The following PTPRD variants were observed in gnomAD, a reference collection of about 807,000 sequenced individuals.
PTPRD encodes the protein receptor-type tyrosine-protein phosphatase delta.
Under a neutral mutation model 214.5 loss-of-function variants are expected in PTPRD, and 34 were observed. The ratio of observed to expected loss-of-function variants is 0.16; its 90% CI spans 0.12 to 0.21. The LOEUF (loss-of-function observed/expected upper bound fraction) is 0.21, where lower values mean the gene tolerates loss of function less well. PTPRD is among the 10% of genes least tolerant of loss of function. The pLI is 1.00. For synonymous variants in PTPRD, 1,128 were observed against 845.7 expected (o/e 1.33, Z -5.79); for missense variants, 2,545 against 2,398.7 (o/e 1.06, Z -1.27).
At chr9:9,358,721 T>TTTTAGTTCTTTTTAGTTCTTTA (rs1251338869) in intron 9 of PTPRD, among the ~76,000 whole-genome samples, 1 of 151,338 alleles carries the variant, frequency 6.6e-6, no homozygotes, top group Non-Finnish European at 1.5e-5. Context: ...AAAAAGTACA[T>TTTTAGTTCTTTTTAGTTCTTTA]GTTGAGAAGG....
chr9:8,427,382 C>T (rs1318033093), intron 35 of PTPRD, among the ~76,000 whole-genome samples: 1 of 152,138 alleles, frequency 6.6e-6, no homozygotes, highest in Non-Finnish European at 1.5e-5. Flanking sequence ...GTTGTTGATA[C>T]TAGCAATTTT....
chr9:8,902,403 T>A (rs1040489177), intron 11 of PTPRD, among the ~76,000 whole-genome samples: 1 of 149,632 alleles, frequency 6.7e-6, no homozygotes, highest in Middle Eastern at 3.5e-3. Flanking sequence ...AGTGCAGAGG[T>A]GTGATCTTGG....
At chr9:10,357,555 G>A (rs992322945) in intron 2 of PTPRD, among the ~76,000 whole-genome samples, 3 of 152,198 alleles carry the variant, frequency 2.0e-5, no homozygotes, top group Non-Finnish European at 4.4e-5. Flanking sequence ...GCTTAGAGCA[G>A]AACTTGGCAC....
chr9:9,531,679 G>C (rs1299586270), intron 8 of PTPRD, among the ~76,000 whole-genome samples: 1 of 151,956 alleles, frequency 6.6e-6, no homozygotes, highest in Non-Finnish European at 1.5e-5. Context: ...ATAGGCATTT[G>C]GGTTGTTTCT....
At chr9:9,302,028 T>C (rs1056850719) in intron 9 of PTPRD, among the ~76,000 whole-genome samples, 3 of 152,078 alleles carry the variant, frequency 2.0e-5, no homozygotes, top group Admixed American at 1.3e-4. Context: ...AACACATCTT[T>C]AGCAAATTGA....
chr9:9,497,763 A>G (rs988714481), intron 8 of PTPRD, among the ~76,000 whole-genome samples: 1 of 152,126 alleles, frequency 6.6e-6, no homozygotes, highest in Admixed American at 6.6e-5. Context: ...CCAGCTCAAT[A>G]TATTTAAGAT....
intron 3 of PTPRD, among the ~76,000 whole-genome samples, chr9:10,308,285 G>C (rs1298668486): frequency 6.6e-6 from 1 of 151,968 alleles, no homozygotes; most frequent in Non-Finnish European, 1.5e-5. Flanking sequence ...GCATATGGAT[G>C]TCCAATGTTC....
chr9:9,096,768 G>A (rs1322789488), intron 10 of PTPRD, among the ~76,000 whole-genome samples: 1 of 152,158 alleles, frequency 6.6e-6, no homozygotes, highest in African/African-American at 2.4e-5. Context: ...ATGATTATGT[G>A]TTGTGCTAAA....
intron 5 of PTPRD, among the ~76,000 whole-genome samples, chr9:9,874,735 T>C (rs2066391640): frequency 6.6e-6 from 1 of 152,216 alleles, no homozygotes; most frequent in Admixed American, 6.5e-5. Flanking sequence ...ACGGTCTCCC[T>C]AAATCACGTG....
At position 8,846,816 on chromosome 9, in the gene PTPRD, G is replaced by C. The variant is rs1037052144; in HGVS notation, c.-103-112870C>G. ...CAGAGGAAAGGACATCAAAGGCCAG[G>C]TGCCTTTTGGTAAGGAATATTTCAT... On this transcript the variant is annotated intron_variant, in intron 11 of 45. Transcript: ENST00000381196. Among the ~76,000 whole-genome samples, 3 of 152,152 alleles carry C rather than the reference G, an allele frequency of 2.0e-5. No homozygotes were observed. In the East Asian group the frequency reaches 5.8e-4, roughly 29 times the overall value.
intron 12 of PTPRD, among the ~76,000 whole-genome samples, chr9:8,688,711 C>T (rs2097743518): frequency 1.3e-5 from 2 of 152,180 alleles, no homozygotes; most frequent in Non-Finnish European, 2.9e-5. Flanking sequence ...CCATAATAAC[C>T]CTTGCAATGG....
chr9:9,452,762 T>C (rs2092423906), intron 8 of PTPRD, among the ~76,000 whole-genome samples: 1 of 151,332 alleles, frequency 6.6e-6, no homozygotes, highest in Non-Finnish European at 1.5e-5. Context: ...CACATATCCC[T>C]AAAGGAAAAT....
intron 3 of PTPRD, among the ~76,000 whole-genome samples, chr9:10,218,928 C>CATATTTA (rs1399902961): frequency 2.0e-5 from 3 of 151,770 alleles, no homozygotes; most frequent in African/African-American, 7.2e-5. Context: ...CTGCATATGA[C>CATATTTA]ATATTTAACT....
At chr9:8,780,873 C>T (rs1001694764) in intron 11 of PTPRD, among the ~76,000 whole-genome samples, 1 of 152,120 alleles carries the variant, frequency 6.6e-6, no homozygotes, top group African/African-American at 2.4e-5. Flanking sequence ...TGTGGAGGTA[C>T]GTTTGCTTAC....
intron 8 of PTPRD, among the ~76,000 whole-genome samples, chr9:9,439,879 T>C (rs2086825643): frequency 6.6e-6 from 1 of 152,204 alleles, no homozygotes; most frequent in Non-Finnish European, 1.5e-5. Context: ...CTATAGTGAG[T>C]AAATAATTTT....
intron 9 of PTPRD, among the ~76,000 whole-genome samples, chr9:9,300,095 C>T (rs965916397): frequency 1.3e-5 from 2 of 150,834 alleles, no homozygotes; most frequent in African/African-American, 4.9e-5. Context: ...ATTCTCCTCA[C>T]TAGACATGTT....
chr9:9,955,521 G>A (rs978435261), intron 4 of PTPRD, among the ~76,000 whole-genome samples: 5 of 145,620 alleles, frequency 3.4e-5, no homozygotes, highest in South Asian at 2.2e-4. Flanking sequence ...GTTTTGTTTT[G>A]TTTTGTTTTT....
In PTPRD at chr9:8,339,607, G is replaced by A. The variant is rs1850475225; in HGVS notation, c.5254-560C>T. The stretch of plus-strand genomic sequence containing the variant: ...TCAGAGTAAGTCAGTTACTTTCCTC[G>A]TCTGATATTCTTTTTGTTCTCTCCG... On this transcript the variant is annotated intron_variant, in intron 42 of 45. Coordinates refer to ENST00000381196, the MANE Select transcript of PTPRD (RefSeq NM_002839.4). Among the ~76,000 whole-genome samples, 4 of 152,214 alleles carry A rather than the reference G, an allele frequency of 2.6e-5. No homozygotes were observed. In the Middle Eastern group the frequency reaches 0.01, roughly 388 times the overall value.
At chr9:9,749,325 A>G (rs1418037494) in intron 6 of PTPRD, among the ~76,000 whole-genome samples, 1 of 152,128 alleles carries the variant, frequency 6.6e-6, no homozygotes, top group African/African-American at 2.4e-5. Flanking sequence ...TAGGGTATTA[A>G]GCCTTTTTGC....
Sources: allele counts gnomAD v4.1 joint callset (sites outside exome capture counted in the v4.1 genomes callset), GRCh38; gene constraint gnomAD v4.1.1; transcripts MANE v1.5; gene names NCBI Gene and HGNC (gene_info 2026-07-23, HGNC 2026-07-21).